BNC2: variants seen among roughly 807,000 people sequenced by gnomAD.
BNC2 encodes the protein basonuclin zinc finger protein 2.
Under a neutral mutation model 76.3 loss-of-function variants are expected in BNC2, and 20 were observed. The observed-to-expected ratio is 0.26, with a 90% CI of 0.18 to 0.38. The LOEUF is 0.38. Among genes scored for constraint, BNC2 ranks in the 10% least tolerant of loss-of-function variants. The pLI is 1.00. For synonymous variants in BNC2, 582 were observed against 514.8 expected (o/e 1.13, Z -1.77); for missense variants, 1,382 against 1,399.8 (o/e 0.99, Z 0.20).
intron 5 of BNC2, among the ~76,000 whole-genome samples, chr9:16,465,661 A>G (rs1563796705): frequency 6.6e-6 from 1 of 152,112 alleles, no homozygotes; most frequent in Non-Finnish European, 1.5e-5. Context: ...TATAACATGA[A>G]TATTATAAGA....
intron 3 of BNC2, among the ~76,000 whole-genome samples, chr9:16,682,140 G>A (rs1383998183): frequency 1.3e-5 from 2 of 151,542 alleles, no homozygotes; most frequent in Non-Finnish European, 2.9e-5. Flanking sequence ...AAGGTGGTAA[G>A]GAGAACTTCA....
intron 5 of BNC2, among the ~76,000 whole-genome samples, chr9:16,530,061 C>G (rs1283255439): frequency 2.6e-5 from 4 of 152,126 alleles, no homozygotes; most frequent in African/African-American, 7.2e-5. Flanking sequence ...ATCATGTTGG[C>G]CAGTCTGGTC....
chr9:16,465,252 A>G (rs1025581024), intron 5 of BNC2, among the ~76,000 whole-genome samples: 1 of 152,142 alleles, frequency 6.6e-6, no homozygotes, highest in African/African-American at 2.4e-5. Context: ...CCTGGCCAAC[A>G]TGGCAAAACC....
chr9:16,642,706 C>A (rs1242283256), intron 3 of BNC2, among the ~76,000 whole-genome samples: 1 of 152,152 alleles, frequency 6.6e-6, no homozygotes, highest in East Asian at 1.9e-4. Context: ...GCCTTGGGGC[C>A]ACATTTTTTG....
intron 5 of BNC2, among the ~76,000 whole-genome samples, chr9:16,467,833 A>T (rs1224553150): frequency 3.6e-5 from 5 of 138,510 alleles, no homozygotes; most frequent in East Asian, 4.0e-4. Context: ...AGAGTATAAT[A>T]AAAAAAAAAA....
Position 16,738,397 on chromosome 9 carries a change from T to G in BNC2, c.92A>C (p.Lys31Thr), listed in dbSNP as rs1478748238. Reference sequence around the variant, plus strand: ...TGTATCAACCCCACAACATGGGACCTTGAAATATGCTGGCCAGTCTTGCTC... The same window carrying G: ...TGTATCAACCCCACAACATGGGACCGTGAAATATGCTGGCCAGTCTTGCTC... ...LSEQDWPAYFKVPCCGVDTSQ... is the reference protein window; with the variant it reads ...LSEQDWPAYFTVPCCGVDTSQ... Residue 31 changes from lysine to threonine, a missense_variant, in exon 2 of 7, where the codon AAG becomes ACG. Transcript: ENST00000380672. The G allele has an allele frequency of 3.1e-6, 5 of 1,613,998 alleles. No homozygotes were observed. The highest frequency in any genetic ancestry group is 2.2e-5 in the East Asian group (1 of 44,884).
At chr9:16,474,470 G>C (rs1179375948) in intron 5 of BNC2, among the ~76,000 whole-genome samples, 4 of 152,194 alleles carry the variant, frequency 2.6e-5, no homozygotes, top group Admixed American at 2.6e-4. Context: ...CTTTTGTTTT[G>C]TAATTGAATA....
At chr9:16,722,029 G>A (rs1023401770) in intron 3 of BNC2, among the ~76,000 whole-genome samples, 60 of 152,104 alleles carry the variant, frequency 3.9e-4, no homozygotes, top group Admixed American at 1.3e-4. Context: ...GACAGATGAC[G>A]GCAGATGCCC....
chr9:16,832,772 C>G (rs1331987820), intron 1 of BNC2, among the ~76,000 whole-genome samples: 3 of 151,916 alleles, frequency 2.0e-5, no homozygotes, highest in African/African-American at 4.8e-5. Flanking sequence ...TGTCACCAGG[C>G]CGGAGTGCAG....
intron 1 of BNC2, among the ~76,000 whole-genome samples, chr9:16,799,571 T>C (rs10962604): frequency 0.22 from 33,372 of 152,050 alleles, 5,563 homozygotes; most frequent in East Asian, 0.74. Context: ...CACCTTGGCA[T>C]CAGAAAGCAT....
intron 5 of BNC2, among the ~76,000 whole-genome samples, chr9:16,501,239 C>T (rs1005775627): frequency 6.6e-6 from 1 of 152,158 alleles, no homozygotes; most frequent in Non-Finnish European, 1.5e-5. Context: ...TTCAAACATT[C>T]TTCTGAAGGG....
intron 5 of BNC2, among the ~76,000 whole-genome samples, chr9:16,469,195 T>A (rs56117855): frequency 1.2e-3 from 50 of 41,122 alleles, no homozygotes; most frequent in East Asian, 3.3e-3. Context: ...TCAGAAAAAG[T>A]GAACATGCTC....
At chr9:16,860,616 T>C (rs1819382515) in intron 1 of BNC2, among the ~76,000 whole-genome samples, 1 of 152,076 alleles carries the variant, frequency 6.6e-6, no homozygotes, top group Non-Finnish European at 1.5e-5. Flanking sequence ...CAGAGGTAAA[T>C]CTTCATGATC....
At chr9:16,486,963 C>A (rs1822177250) in intron 5 of BNC2, among the ~76,000 whole-genome samples, 2 of 152,148 alleles carry the variant, frequency 1.3e-5, no homozygotes. Context: ...CCCATCTTGG[C>A]CTCAAAAAGT....
intron 3 of BNC2, among the ~76,000 whole-genome samples, chr9:16,624,247 A>T (rs1030731067): frequency 1.3e-5 from 2 of 152,158 alleles, no homozygotes; most frequent in Admixed American, 1.3e-4. Context: ...ATGTGGACTC[A>T]TACCACAGGG....
intron 3 of BNC2, among the ~76,000 whole-genome samples, chr9:16,633,951 C>CTTT (rs1350313293): frequency 5.0e-4 from 76 of 152,292 alleles, no homozygotes; most frequent in African/African-American, 1.7e-3. Flanking sequence ...TTACTCTAGG[C>CTTT]TATTTAGCAA....
At chr9:16,776,038 C>G (rs1411546367) in intron 1 of BNC2, among the ~76,000 whole-genome samples, 1 of 152,210 alleles carries the variant, frequency 6.6e-6, no homozygotes. Flanking sequence ...AGGTCAGGCA[C>G]TTCTACGCTG....
intron 3 of BNC2, among the ~76,000 whole-genome samples, chr9:16,637,157 G>C (rs1243897743): frequency 6.6e-6 from 1 of 150,580 alleles, no homozygotes; most frequent in Non-Finnish European, 1.5e-5. Flanking sequence ...CACATCAAAG[G>C]GTATAGAATT....
chr9:16,705,332 C>T (rs1823635303), intron 3 of BNC2, among the ~76,000 whole-genome samples: 1 of 152,174 alleles, frequency 6.6e-6, no homozygotes, highest in Non-Finnish European at 1.5e-5. Context: ...TTTTTGGCCG[C>T]GCTGGGCCAG....
Sources: allele counts gnomAD v4.1 joint callset (sites outside exome capture counted in the v4.1 genomes callset), GRCh38; gene constraint gnomAD v4.1.1; transcripts MANE v1.5; gene names NCBI Gene and HGNC (gene_info 2026-07-23, HGNC 2026-07-21).